TCERG1L: variants seen among roughly 807,000 people sequenced by gnomAD.
TCERG1L encodes the protein transcription elongation regulator 1 like, also known as transcription elongation regulator 1-like protein.
Under a neutral mutation model 56.3 loss-of-function variants are expected in TCERG1L, and 37 were observed. The observed-to-expected ratio is 0.66, with a 90% CI of 0.51 to 0.87. The LOEUF (loss-of-function observed/expected upper bound fraction) is 0.87. TCERG1L is among the 40% of genes least tolerant of loss of function. The pLI is 0.00. For missense variants in TCERG1L, 799 were observed against 774.2 expected, an observed-to-expected ratio of 1.03 and a Z score of -0.38; for synonymous variants, 324 against 326.3, an observed-to-expected ratio of 0.99 and a Z score of 0.08.
intron 3 of TCERG1L, among the ~76,000 whole-genome samples, chr10:131,282,518 T>TCACTAGAAGTTGA (rs1846471136): frequency 6.6e-6 from 1 of 152,160 alleles, no homozygotes; most frequent in African/African-American, 2.4e-5. Context: ...TCTGAAAACT[T>TCACTAGAAGTTGA]TTCACTAGAA....
At chr10:131,101,142 C>G (rs1427893535) in intron 10 of TCERG1L, among the ~76,000 whole-genome samples, 2 of 152,252 alleles carry the variant, frequency 1.3e-5, no homozygotes, top group Non-Finnish European at 2.9e-5. Flanking sequence ...AGGCCCAACT[C>G]CATCAGGGTT....
At chr10:131,200,851 G>C (rs572514616) in intron 4 of TCERG1L, among the ~76,000 whole-genome samples, 1 of 148,660 alleles carries the variant, frequency 6.7e-6, no homozygotes, top group East Asian at 2.1e-4. Flanking sequence ...TAAGAGGTGG[G>C]GCCTTTAGGA....
At chr10:131,213,558 C>T (rs559698201) in intron 4 of TCERG1L, among the ~76,000 whole-genome samples, 17 of 152,312 alleles carry the variant, frequency 1.1e-4, no homozygotes, top group South Asian at 1.0e-3. Context: ...CTGTCTGGCC[C>T]GGCTGCGCCT....
At chr10:131,131,382 T>C (rs754205168) in intron 8 of TCERG1L, among the ~76,000 whole-genome samples, 28 of 152,272 alleles carry the variant, frequency 1.8e-4, no homozygotes, top group South Asian at 4.1e-4. Flanking sequence ...AAAAGACCCA[T>C]TCATCAGAAA....
intron 6 of TCERG1L, among the ~76,000 whole-genome samples, chr10:131,153,670 C>T (rs140329347): frequency 6.6e-6 from 1 of 152,220 alleles, no homozygotes; most frequent in Non-Finnish European, 1.5e-5. Flanking sequence ...GACTCTAGGT[C>T]CCCGGTTCTC....
intron 3 of TCERG1L, among the ~76,000 whole-genome samples, chr10:131,301,647 G>A (rs892536474): frequency 2.0e-5 from 3 of 151,618 alleles, no homozygotes; most frequent in African/African-American, 4.8e-5. Flanking sequence ...ACGTAACCTC[G>A]TCTGCTTTTT....
intron 6 of TCERG1L, among the ~76,000 whole-genome samples, chr10:131,150,743 G>A (rs1173338614): frequency 1.3e-5 from 2 of 152,196 alleles, no homozygotes; most frequent in Non-Finnish European, 2.9e-5. Context: ...GTCATCCTGC[G>A]CTAGGCTGAG....
In TCERG1L at chr10:131,311,418, A is replaced by C; in HGVS notation, c.218T>G (p.Leu73Arg). ...LASAPPPAAP[L>R]LPGLPGWPAP... ...CGGCCAGCCGGGGAGACCGGGGAGCAGCGGGGCCGCGGGCGGCGGGGCCGA... is the reference window on the plus strand; with the variant it reads ...CGGCCAGCCGGGGAGACCGGGGAGCCGCGGGGCCGCGGGCGGCGGGGCCGA... Residue 73 changes from leucine to arginine, a missense_variant, in exon 1 of 12, where the codon CTG becomes CGG. Physicochemically the swap from Leu to Arg is moderately radical, Grantham distance 102. Coordinates refer to ENST00000368642, the MANE Select transcript of TCERG1L (RefSeq NM_174937.4). This position sits in a 1 kb window ranked among gnomAD's most constrained non-coding sequence, Gnocchi z 4.0. 6 of 1,177,910 alleles carry C rather than the reference A, an allele frequency of 5.1e-6. No homozygotes were observed. The highest frequency in any genetic ancestry group is 6.3e-6 in the Non-Finnish European group (6 of 955,144). 73.0% of individuals were successfully genotyped at this position (1,177,910 alleles called of 1,614,324 possible). A position where few individuals can be genotyped will look rare whatever the true frequency, so the allele number is the denominator to read the frequency against.
intron 3 of TCERG1L, among the ~76,000 whole-genome samples, chr10:131,271,960 G>A (rs919156502): frequency 2.0e-5 from 3 of 152,334 alleles, no homozygotes; most frequent in African/African-American, 2.4e-5. Flanking sequence ...CAGAAATAAT[G>A]GGTAACCATT....
Position 131,308,406 on chromosome 10 carries a change from T to C in TCERG1L, c.490-15A>G, listed in dbSNP as rs763383450. 1.9e-6 allele frequency: 3 copies of C among 1,611,026 alleles called. No individual in the cohort carries two copies. The highest frequency in any genetic ancestry group is 1.3e-5 in the African/African-American group (1 of 74,834). ...TTAAAAAAGATCTGTCGAAAAATAA[T>C]GCAAGCATAACACTGAAGGCAAGGT... is the stretch of plus-strand genomic sequence containing the variant. On this transcript the variant is annotated splice_polypyrimidine_tract_variant and intron_variant, in intron 2 of 11. Transcript: ENST00000368642.
chr10:131,097,292 C>T (rs1249509929), intron 11 of TCERG1L, among the ~76,000 whole-genome samples: 1 of 151,196 alleles, frequency 6.6e-6, no homozygotes, highest in Non-Finnish European at 1.5e-5. Flanking sequence ...CATTTTTATG[C>T]TTACGAAACT....
chr10:131,270,714 G>GT (rs1018809118), intron 3 of TCERG1L, among the ~76,000 whole-genome samples: 7 of 152,146 alleles, frequency 4.6e-5, no homozygotes, highest in East Asian at 1.9e-4. Flanking sequence ...TTGGTTGCAT[G>GT]TTTTTTTTCA....
In TCERG1L at chr10:131,093,098, G is replaced by A. The variant is rs1845198041; in HGVS notation, c.*64C>T. ...CCCCACGCCCGTGTCCGTCTCCACC[G>A]TGACCCCCTCGCCCCCGGCACGCCC... On this transcript the variant is annotated 3_prime_UTR_variant, in exon 12 of 12. Coordinates refer to ENST00000368642, the MANE Select transcript of TCERG1L (RefSeq NM_174937.4). The A allele has an allele frequency of 3.8e-5, 60 of 1,566,578 alleles. 2 individuals carry two copies. The South Asian group carries it at 6.0e-4, about 16-fold the overall frequency.
intron 4 of TCERG1L, among the ~76,000 whole-genome samples, chr10:131,245,995 G>A (rs555020474): frequency 1.1e-4 from 16 of 152,258 alleles, no homozygotes; most frequent in African/African-American, 2.9e-4. Context: ...AACAGAGGCC[G>A]AGAGCCCCCC....
At chr10:131,168,303 G>A (rs1846053099) in intron 4 of TCERG1L, among the ~76,000 whole-genome samples, 1 of 152,126 alleles carries the variant, frequency 6.6e-6, no homozygotes, top group Non-Finnish European at 1.5e-5. Context: ...TTTCTTCCTT[G>A]CCCCACTGCA....
chr10:131,148,208 G>A (rs932190613), intron 6 of TCERG1L, among the ~76,000 whole-genome samples: 1 of 152,198 alleles, frequency 6.6e-6, no homozygotes, highest in Non-Finnish European at 1.5e-5. Flanking sequence ...CATTCAGGTG[G>A]CCCCAAATGT....
At chr10:131,266,711 G>A (rs917306602) in intron 3 of TCERG1L, among the ~76,000 whole-genome samples, 5 of 152,060 alleles carry the variant, frequency 3.3e-5, no homozygotes, top group Non-Finnish European at 7.4e-5. Context: ...CAGCAGAGAG[G>A]GTAGCTTCTG....
Position 131,103,599 on chromosome 10 carries a change from G to A in TCERG1L, c.1485+666C>T, listed in dbSNP as rs2133381607. 6.6e-6 allele frequency among the ~76,000 whole-genome samples: 1 copy of A among 152,324 alleles called. No homozygotes were observed. Among genetic ancestry groups the A allele is most frequent in the South Asian group, 2.1e-4 (1 of 4,818 alleles). ...TCAGCTGCTCAGGAGGCTGAGGTGG[G>A]AGGATGGCTTGATCCCAGAAGGTGG... On this transcript the variant is annotated intron_variant, in intron 10 of 11. Transcript: ENST00000368642. The surrounding 1 kb of genome is among the most constrained non-coding windows in gnomAD (Gnocchi z 4.3).
intron 3 of TCERG1L, among the ~76,000 whole-genome samples, chr10:131,261,391 G>A (rs187404660): frequency 8.5e-5 from 13 of 152,280 alleles, no homozygotes; most frequent in Admixed American, 3.9e-4. Context: ...ACGTCCTGTC[G>A]TGTGACCCAC....
Sources: gnomAD v4.1 joint callset for allele counts (sites outside exome capture counted in the v4.1 genomes callset) on GRCh38, gnomAD v4.1.1 for gene constraint, Gnocchi (gnomAD v3.1) non-coding constraint, MANE v1.5 for transcripts, NCBI Gene and HGNC (gene_info 2026-07-23, HGNC 2026-07-21) for gene names.